Variants in USP24 observed in about 807,000 individuals in gnomAD.
The protein encoded by USP24 is ubiquitin specific peptidase 24.
In USP24, 97 loss-of-function variants were observed where a neutral mutation model predicts 361.6. The ratio of observed to expected loss-of-function variants is 0.27; its 90% confidence interval spans 0.23 to 0.32. The LOEUF is 0.32. Ranked by LOEUF, USP24 falls within the 10% of genes least tolerant of loss-of-function variation. The pLI, the probability that USP24 is intolerant of heterozygous loss-of-function variation, is 1.00. For missense variants in USP24, 2,353 were observed against 3,165.6 expected (o/e 0.74, Z 6.16); for synonymous variants, 1,098 against 1,124.6 (o/e 0.98, Z 0.47).
In USP24 at chr1:55,154,744, T is replaced by A; in HGVS notation, c.1481A>T (p.His494Leu). The A allele has an allele frequency of 6.2e-7, 1 of 1,613,314 alleles. No individual in the cohort carries two copies. Among genetic ancestry groups the A allele is most frequent in the Non-Finnish European group, 8.5e-7 (1 of 1,179,558 alleles). ...GQSSTVIENI[H>L]TIIAAAAVKF... ...CACAGCCGCTGCAGCAATAATAGTA[T>A]GAATGTTCTCAATCACAGTAGATGA... Residue 494 changes from histidine to leucine, a missense_variant, in exon 13 of 68, where the codon CAT (histidine) becomes CTT (leucine). Physicochemically the swap from His to Leu is moderately conservative, Grantham distance 99. This residue lies in a region of USP24 where 386 missense variants were observed against 560.5 expected (regional missense o/e 0.69). Transcript: ENST00000294383.
In USP24 at chr1:55,215,049, G is replaced by T; in HGVS notation, c.65C>A (p.Thr22Asn). The T allele has an allele frequency of 6.8e-7, 1 of 1,467,760 alleles. No homozygotes were observed. The highest frequency in any genetic ancestry group is 9.0e-7 in the Non-Finnish European group (1 of 1,106,976). 90.9% of individuals were successfully genotyped at this position (1,467,760 alleles called of 1,614,324 possible). The change falls in exon 1 of 68, where the codon ACC (threonine) becomes AAC (asparagine). Residue 22 changes from threonine to asparagine, a missense_variant. By Grantham distance (65) the Thr-to-Asn change is moderately conservative (BLOSUM62 0). This residue lies in a region of USP24 where 253 missense variants were observed against 255.3 expected (regional missense o/e 0.99). Transcript: ENST00000294383. Reference protein sequence around the residue: ...LLCMGFSDPATIRKALRLAKN... With the variant: ...LLCMGFSDPANIRKALRLAKN... Reference sequence around the variant, plus strand: ...GGCCAGGCGCAGGGCCTTGCGGATGGTGGCGGGGTCTGAGAAGCCCATGCA... The same window carrying T: ...GGCCAGGCGCAGGGCCTTGCGGATGTTGGCGGGGTCTGAGAAGCCCATGCA...
chr1:55,075,548 A>G, intron 62 of USP24, 25 bp from the exon 63 acceptor site: 1 of 1,559,144 alleles, frequency 6.4e-7, no homozygotes. Context: ...AACAAAAATT[A>G]GTAAATAAAA....
intron 1 of USP24, among the ~76,000 whole-genome samples, chr1:55,193,840 T>C (rs967127211): frequency 3.9e-5 from 6 of 152,136 alleles, no homozygotes; most frequent in Non-Finnish European, 4.4e-5. Flanking sequence ...TAAGGCAAAG[T>C]TACTCACCAG....
chr1:55,214,903 GCGGGCCCCCGC>G lies in USP24; in HGVS notation c.200_210del (p.Gly67AlafsTer7). ...CCGCCGTCACCTCCGCCGTCGCCCC[GCGGGCCCCCGC>G]CGGGCCCGGGGCTGGGGCCACCGCC... On this transcript the variant is annotated frameshift_variant, in exon 1 of 68. Coordinates refer to ENST00000294383, the MANE Select transcript of USP24 (RefSeq NM_015306.3). LOFTEE classifies it high-confidence loss of function. 2 of 1,275,832 alleles carry G rather than the reference GCGGGCCCCCGC, an allele frequency of 1.6e-6. No homozygotes were observed. Among genetic ancestry groups the G allele is most frequent in the Admixed American group, 3.6e-5 (1 of 27,840 alleles). The allele number at this position is 1,275,832 out of a possible 1,614,324, so 79.0% of individuals were successfully genotyped here.
chr1:55,118,818 A>G (rs548727651), intron 38 of USP24, among the ~76,000 whole-genome samples: 1 of 152,368 alleles, frequency 6.6e-6, no homozygotes, highest in South Asian at 2.1e-4. Context: ...AACATCAGTC[A>G]TCAAGGAAAT....
intron 50 of USP24, among the ~76,000 whole-genome samples, chr1:55,095,942 T>C (rs1319066010): frequency 3.9e-5 from 6 of 152,176 alleles, no homozygotes; most frequent in African/African-American, 1.4e-4. Context: ...AAAATCAGGT[T>C]TCTGAAATGC....
intron 17 of USP24, among the ~76,000 whole-genome samples, 182 bp downstream of exon 17, chr1:55,148,281 A>C (rs2100717579): frequency 6.6e-6 from 1 of 152,024 alleles, no homozygotes; most frequent in East Asian, 1.9e-4. Flanking sequence ...ATTAAAAAAA[A>C]AAAAAAGCTC....
intron 26 of USP24, 66 bp from the exon 27 acceptor site, chr1:55,137,970 T>C: frequency 6.9e-7 from 1 of 1,456,388 alleles, no homozygotes; most frequent in South Asian, 1.2e-5. Context: ...CAACTGTGAG[T>C]GAACATCTAC....
chr1:55,144,994 T>C (rs772530778), intron 20 of USP24, among the ~76,000 whole-genome samples: 3 of 152,000 alleles, frequency 2.0e-5, no homozygotes, highest in Non-Finnish European at 2.9e-5. Flanking sequence ...CCCATTACGA[T>C]GTCTAAAATA....
chr1:55,185,323 C>T (rs988627129), intron 1 of USP24, among the ~76,000 whole-genome samples: 1 of 151,702 alleles, frequency 6.6e-6, no homozygotes, highest in African/African-American at 2.4e-5. Context: ...AACAACATAA[C>T]CTCCCACTTT....
At chr1:55,192,934 A>G (rs189574298) in intron 1 of USP24, among the ~76,000 whole-genome samples, 2 of 152,340 alleles carry the variant, frequency 1.3e-5, no homozygotes, top group Admixed American at 1.3e-4. Flanking sequence ...GGTTCCCTGC[A>G]TTAACCCTTC....
At chr1:55,072,736 G>T in intron 65 of USP24, 50 bp downstream of exon 65, 2 of 1,504,644 alleles carry the variant, frequency 1.3e-6, no homozygotes, top group Non-Finnish European at 1.8e-6. Flanking sequence ...GACAAGATGT[G>T]CTATTATTGA....
At chr1:55,070,661 G>GA (rs1455000464) in intron 67 of USP24, among the ~76,000 whole-genome samples, 1 of 152,216 alleles carries the variant, frequency 6.6e-6, no homozygotes, top group Non-Finnish European at 1.5e-5. Context: ...TGGCTGCAAA[G>GA]AAGAGAAAAG....
intron 55 of USP24, among the ~76,000 whole-genome samples, chr1:55,089,143 T>G (rs1484205081): frequency 6.6e-6 from 1 of 152,126 alleles, no homozygotes; most frequent in Non-Finnish European, 1.5e-5. Context: ...CTTGACCTCA[T>G]GGTCTGCCCG....
chr1:55,074,053 G>T, intron 63 of USP24, 147 bp from the exon 64 acceptor site: 1 of 414,004 alleles, frequency 2.4e-6, no homozygotes, highest in African/African-American at 2.2e-5. Context: ...GGTGGTGCCT[G>T]ACTCAACAGA....
At chr1:55,100,587 TA>T (rs1159477422) in intron 44 of USP24, among the ~76,000 whole-genome samples, 1 of 151,978 alleles carries the variant, frequency 6.6e-6, no homozygotes, top group African/African-American at 2.4e-5. Flanking sequence ...TTCAAAGAAC[TA>T]AAATAAGAAT....
chr1:55,154,332 G>C (rs1647397517), intron 14 of USP24, 39 bp downstream of exon 14: 1 of 1,566,114 alleles, frequency 6.4e-7, no homozygotes, highest in South Asian at 1.2e-5. Flanking sequence ...TAGCTGCTTT[G>C]AGCATTTGTA....
chr1:55,125,817 A>AT, intron 32 of USP24, 59 bp from the exon 33 acceptor site: 1 of 1,404,972 alleles, frequency 7.1e-7, no homozygotes. Flanking sequence ...TTCATTTTAA[A>AT]TTTTCCATAA....
At chr1:55,079,455 T>G in intron 60 of USP24, 83 bp downstream of exon 60, 3 of 1,508,534 alleles carry the variant, frequency 2.0e-6, no homozygotes, top group Non-Finnish European at 2.7e-6. Context: ...ACAATACTCT[T>G]CATGCCAAAC....
Sources: allele counts gnomAD v4.1 joint callset (sites outside exome capture counted in the v4.1 genomes callset), GRCh38; gene constraint gnomAD v4.1.1; regional missense constraint gnomAD v4.1.1; transcripts MANE v1.5; gene names NCBI Gene and HGNC (gene_info 2026-07-23, HGNC 2026-07-21).